Variants in EFEMP1 observed in about 807,000 individuals in gnomAD.
EFEMP1 encodes EGF-containing fibulin-like extracellular matrix protein 1.
In EFEMP1, 18 loss-of-function variants were observed where a neutral mutation model predicts 65.7. The observed-to-expected ratio is 0.27, with a 90% confidence interval of 0.19 to 0.41. EFEMP1 has a LOEUF of 0.41. Ranked by LOEUF, EFEMP1 falls within the 10% of genes least tolerant of loss-of-function variation. EFEMP1 has a pLI of 1.00. For missense variants in EFEMP1, 469 were observed against 624.8 expected (o/e 0.75, Z 2.66); for synonymous variants, 237 against 219.7 (o/e 1.08, Z -0.70).
At chr2:55,906,222 CTT>C (rs577782138) in intron 5 of EFEMP1, among the ~76,000 whole-genome samples, 75,590 of 129,370 alleles carry the variant, frequency 0.58, 22,954 homozygotes, top group East Asian at 0.87. Context: ...AGCCCTGCAT[CTT>C]TTTTTTTTTT....
intron 6 of EFEMP1, among the ~76,000 whole-genome samples, chr2:55,880,320 C>T (rs1669193817): frequency 6.6e-6 from 1 of 152,118 alleles, no homozygotes; most frequent in Non-Finnish European, 1.5e-5. Context: ...ACCGTATGTT[C>T]CATTATCTTT....
At chr2:55,896,144 T>C (rs1403037631) in intron 5 of EFEMP1, among the ~76,000 whole-genome samples, 2 of 152,262 alleles carry the variant, frequency 1.3e-5, no homozygotes, top group Non-Finnish European at 2.9e-5. Flanking sequence ...GTATAAATTC[T>C]AGCATGTTTA....
At chr2:55,916,111 T>G (rs1194001973) in intron 5 of EFEMP1, among the ~76,000 whole-genome samples, 2 of 150,002 alleles carry the variant, frequency 1.3e-5, no homozygotes, top group African/African-American at 2.4e-5. Flanking sequence ...TCCTTCATTT[T>G]TTTTTTTTTT....
At chr2:55,908,558 T>C (rs889585677) in intron 5 of EFEMP1, among the ~76,000 whole-genome samples, 5 of 152,066 alleles carry the variant, frequency 3.3e-5, no homozygotes, top group African/African-American at 4.8e-5. Flanking sequence ...GGTGTATATT[T>C]CAAAACTGCT....
intron 5 of EFEMP1, among the ~76,000 whole-genome samples, chr2:55,887,872 A>G (rs1342105683): frequency 6.6e-6 from 1 of 152,216 alleles, no homozygotes; most frequent in East Asian, 1.9e-4. Context: ...AGAACTTTAC[A>G]ATATGCTGTT....
At chr2:55,914,491 C>T (rs1670602887) in intron 5 of EFEMP1, among the ~76,000 whole-genome samples, 1 of 152,174 alleles carries the variant, frequency 6.6e-6, no homozygotes, top group South Asian at 2.1e-4. Flanking sequence ...AAATAGTGTA[C>T]ATTTAAAATA....
chr2:55,901,950 T>C (rs13397718), intron 5 of EFEMP1, among the ~76,000 whole-genome samples: 2,739 of 152,138 alleles, frequency 0.018, 84 homozygotes, highest in African/African-American at 0.062. Context: ...GAATTGAAGG[T>C]GGAAGAATTT....
At chr2:55,903,274 A>G (rs1378384982) in intron 5 of EFEMP1, among the ~76,000 whole-genome samples, 5 of 152,228 alleles carry the variant, frequency 3.3e-5, no homozygotes, top group Non-Finnish European at 5.9e-5. Context: ...AGCTGTTACA[A>G]TGTAATTTGT....
In EFEMP1 at chr2:55,870,568, T is replaced by C; in HGVS notation, c.1320+152A>G. On this transcript the variant is annotated intron_variant, in intron 11 of 11. Coordinates refer to ENST00000355426, the MANE Select transcript of EFEMP1 (RefSeq NM_001039348.3). The surrounding 1 kb of genome is among the most constrained non-coding windows in gnomAD (Gnocchi z 5.8). Reference sequence around the variant, plus strand: ...ACCAAGAGGAATAAATGAAATAATGTAGCTGGAAGGCCTTACACAATGCCT... The same window carrying C: ...ACCAAGAGGAATAAATGAAATAATGCAGCTGGAAGGCCTTACACAATGCCT... 3.7e-6 allele frequency: 3 copies of C among 819,898 alleles called. No homozygotes were observed. Among genetic ancestry groups the C allele is most frequent in the Non-Finnish European group, 6.0e-6 (3 of 500,192 alleles). 50.8% of individuals were successfully genotyped at this position (819,898 alleles called of 1,614,324 possible). A position where few individuals can be genotyped will look rare whatever the true frequency, so the allele number is the denominator to read the frequency against.
intron 5 of EFEMP1, among the ~76,000 whole-genome samples, chr2:55,901,531 C>T (rs1175512042): frequency 6.6e-6 from 1 of 152,154 alleles, no homozygotes; most frequent in Non-Finnish European, 1.5e-5. Context: ...CTGACCACAC[C>T]CATTAGGCTG....
In EFEMP1 at chr2:55,921,234, T is replaced by C. The variant is rs1457621944; in HGVS notation, c.81+1126A>G. Among the ~76,000 whole-genome samples, 1 of 152,220 alleles carries C rather than the reference T, an allele frequency of 6.6e-6. No homozygotes were observed. Among genetic ancestry groups the C allele is most frequent in the East Asian group, 1.9e-4 (1 of 5,196 alleles). On this transcript the variant is annotated intron_variant, in intron 3 of 11. Transcript: ENST00000355426. This position sits in a 1 kb window ranked among gnomAD's most constrained non-coding sequence, Gnocchi z 4.1. ...TTCATTTTTCTTGCTTAATTTATCT[T>C]CAGCAGAGGAAGCAACTGCATTTAA... is the stretch of plus-strand genomic sequence containing the variant.
chr2:55,901,456 A>C (rs1467162626), intron 5 of EFEMP1, among the ~76,000 whole-genome samples: 1 of 152,168 alleles, frequency 6.6e-6, no homozygotes, highest in Non-Finnish European at 1.5e-5. Context: ...AGGTCAGTGA[A>C]GAAAAGGCTA....
chr2:55,917,112 T>A lies in EFEMP1; in HGVS notation c.517+553A>T, dbSNP rs564178344. ...ATGAGGAAAATAAGTCTGTGGCAAG[T>A]TCGATGAAAAGAAACTTGAGAAACC... On this transcript the variant is annotated intron_variant, in intron 5 of 11. Coordinates refer to ENST00000355426, the MANE Select transcript of EFEMP1 (RefSeq NM_001039348.3). This position sits in a 1 kb window ranked among gnomAD's most constrained non-coding sequence, Gnocchi z 6.3. Among the ~76,000 whole-genome samples, 6 of 152,244 alleles carry A rather than the reference T, an allele frequency of 3.9e-5. No homozygotes were observed. The East Asian group carries it at 1.2e-3, about 29-fold the overall frequency.
At chr2:55,900,689 A>T in intron 5 of EFEMP1, among the ~76,000 whole-genome samples, 1 of 152,118 alleles carries the variant, frequency 6.6e-6, no homozygotes, top group Non-Finnish European at 1.5e-5. Flanking sequence ...TTAATTGACA[A>T]TCTGGCTACT....
chr2:55,904,982 TTTC>T lies in EFEMP1; in HGVS notation c.517+12680_517+12682del, dbSNP rs1558481250. Reference sequence around the variant, plus strand: ...GGATAGTGGCTTTTTTTTTTTTCTTTTTCTTTTTTTTTTTTTTTTGCTGAGCAA... The same window carrying T: ...GGATAGTGGCTTTTTTTTTTTTCTTTTTTTTTTTTTTTTTTTGCTGAGCAA... On this transcript the variant is annotated intron_variant, in intron 5 of 11. Coordinates refer to ENST00000355426, the MANE Select transcript of EFEMP1 (RefSeq NM_001039348.3). Among the ~76,000 whole-genome samples, 7 of 27,992 alleles carry T rather than the reference TTTC, an allele frequency of 2.5e-4. 3 individuals carry two copies. The highest frequency in any genetic ancestry group is 1.2e-3 in the African/African-American group (3 of 2,524). The allele number at this position is 27,992 out of a possible 152,430, so 18.4% of individuals were successfully genotyped here. A position where few individuals can be genotyped will look rare whatever the true frequency, so the allele number is the denominator to read the frequency against.
chr2:55,922,858 C>A lies in EFEMP1; in HGVS notation c.-8+41G>T, dbSNP rs1385204574. 1.7e-6 allele frequency: 2 copies of A among 1,160,356 alleles called. No homozygotes were observed. Among genetic ancestry groups the A allele is most frequent in the Non-Finnish European group, 1.1e-6 (1 of 928,368 alleles). 71.9% of individuals were successfully genotyped at this position (1,160,356 alleles called of 1,614,324 possible). ...GGGGGATGGAGGTGGGGCTGCAAAACTCTGTTCTCTAGAACGTTAAGGCTT... is the reference window on the plus strand; with the variant it reads ...GGGGGATGGAGGTGGGGCTGCAAAAATCTGTTCTCTAGAACGTTAAGGCTT... On this transcript the variant is annotated intron_variant, in intron 2 of 11. Coordinates refer to ENST00000355426, the MANE Select transcript of EFEMP1 (RefSeq NM_001039348.3). The surrounding 1 kb of genome is among the most constrained non-coding windows in gnomAD (Gnocchi z 5.5).
intron 5 of EFEMP1, among the ~76,000 whole-genome samples, chr2:55,891,557 C>G (rs1430005774): frequency 1.3e-5 from 2 of 152,060 alleles, no homozygotes; most frequent in African/African-American, 4.8e-5. Flanking sequence ...GGTGCACATA[C>G]GTATAGCTTT....
chr2:55,874,302 C>A (rs1668937259), intron 9 of EFEMP1, among the ~76,000 whole-genome samples: 2 of 150,814 alleles, frequency 1.3e-5, no homozygotes, highest in Admixed American at 1.3e-4. Context: ...CTACATGCAA[C>A]ATTGGAGGTA....
chr2:55,888,274 T>C (rs762073532), intron 5 of EFEMP1, among the ~76,000 whole-genome samples: 24 of 152,170 alleles, frequency 1.6e-4, no homozygotes, highest in Non-Finnish European at 2.8e-4. Context: ...TTAGGAGTAT[T>C]TTCTGGCATC....
Sources: allele counts gnomAD v4.1 joint callset (sites outside exome capture counted in the v4.1 genomes callset), GRCh38; gene constraint gnomAD v4.1.1; non-coding constraint Gnocchi (gnomAD v3.1); transcripts MANE v1.5; gene names NCBI Gene and HGNC (gene_info 2026-07-23, HGNC 2026-07-21).